Variants in TRIM71 observed in about 807,000 individuals in gnomAD.
TRIM71 encodes E3 ubiquitin-protein ligase TRIM71.
A neutral mutation model predicts 61.2 loss-of-function variants in TRIM71; 9 were observed. The observed-to-expected ratio is 0.15, with a 90% CI of 0.09 to 0.26. The LOEUF (loss-of-function observed/expected upper bound fraction) is 0.26. Ranked by LOEUF, TRIM71 falls within the 10% of genes least tolerant of loss-of-function variation. The pLI is 1.00. For synonymous variants in TRIM71, 645 were observed against 553.2 expected, an observed-to-expected ratio of 1.17 and a Z score of -2.33; for missense variants, 998 against 1,238.7, an observed-to-expected ratio of 0.81 and a Z score of 2.92.
chr3:32,886,998 G>A (rs1402575939), intron 3 of TRIM71, among the ~76,000 whole-genome samples: 1 of 152,182 alleles, frequency 6.6e-6, no homozygotes, highest in Non-Finnish European at 1.5e-5. Context: ...TTTTAATTCA[G>A]CATATTTTTT....
chr3:32,841,951 G>GGT (rs1559540678), intron 1 of TRIM71, among the ~76,000 whole-genome samples: 1 of 152,114 alleles, frequency 6.6e-6, no homozygotes, highest in Non-Finnish European at 1.5e-5. Flanking sequence ...GCTCAGCCAG[G>GGT]GTGCAGTTCT....
chr3:32,887,704 T>G (rs1261633788), intron 3 of TRIM71, among the ~76,000 whole-genome samples: 1 of 152,130 alleles, frequency 6.6e-6, no homozygotes, highest in East Asian at 1.9e-4. Flanking sequence ...CCTCATGGGG[T>G]TAGCTGCATA....
chr3:32,878,642 A>G lies in TRIM71; in HGVS notation c.1020+4657A>G, dbSNP rs181080356. Among the ~76,000 whole-genome samples the G allele has an allele frequency of 2.3e-3, 348 of 152,300 alleles. 1 individual carries two copies. The highest frequency in any genetic ancestry group is 2.8e-3 in the Non-Finnish European group (190 of 68,034). ...AAAAAATAAATGAATAAATAAATAA[A>G]AATTTTAAAAATTCCGCAAACCATG... On this transcript the variant is annotated intron_variant, in intron 2 of 3. Coordinates refer to ENST00000383763, the MANE Select transcript of TRIM71 (RefSeq NM_001039111.3).
At chr3:32,847,359 G>A (rs2139197) in intron 1 of TRIM71, among the ~76,000 whole-genome samples, 30,782 of 151,958 alleles carry the variant, frequency 0.2, 4,239 homozygotes, top group East Asian at 0.62. Context: ...ACCATGTCCC[G>A]CTAATTTTGT....
In TRIM71 at chr3:32,818,670, A is replaced by G. The variant is rs750081397; in HGVS notation, c.590A>G (p.His197Arg). 1.5e-5 allele frequency: 23 copies of G among 1,535,612 alleles called. No homozygotes were observed. Among genetic ancestry groups the G allele is most frequent in the South Asian group, 3.6e-5 (3 of 84,150 alleles). The change falls in exon 1 of 4, where the codon CAC (histidine) becomes CGC (arginine). Residue 197 changes from histidine to arginine, a missense_variant. His to Arg is a conservative substitution (Grantham distance 29). Coordinates refer to ENST00000383763, the MANE Select transcript of TRIM71 (RefSeq NM_001039111.3). Reference protein sequence around the residue: ...SPSALLLRRPHGCSSCDEGNA... With the variant: ...SPSALLLRRPRGCSSCDEGNA... ...TCGGCGCTGCTGCTCCGCCGTCCTCACGGCTGCAGCTCGTGCGATGAGGGC... is the reference window on the plus strand; with the variant it reads ...TCGGCGCTGCTGCTCCGCCGTCCTCGCGGCTGCAGCTCGTGCGATGAGGGC...
chr3:32,879,236 C>T (rs1029924087), intron 2 of TRIM71, among the ~76,000 whole-genome samples: 1 of 152,182 alleles, frequency 6.6e-6, no homozygotes, highest in East Asian at 1.9e-4. Context: ...GATCTTTTCT[C>T]CAGATCATTA....
chr3:32,833,631 CTTTT>C (rs1225963568), intron 1 of TRIM71, among the ~76,000 whole-genome samples: 16 of 132,860 alleles, frequency 1.2e-4, no homozygotes, highest in African/African-American at 3.8e-4. Flanking sequence ...ACTGAGAATG[CTTTT>C]TTATTTATTT....
chr3:32,874,098 C>T lies in TRIM71; in HGVS notation c.1020+113C>T. Reference sequence around the variant, plus strand: ...CAGTGTGGGGGGTGGAATAGTGACCCAAATGAGCTCAGGTGACATCCCTGC... The same window carrying T: ...CAGTGTGGGGGGTGGAATAGTGACCTAAATGAGCTCAGGTGACATCCCTGC... On this transcript the variant is annotated intron_variant, in intron 2 of 3. Transcript: ENST00000383763. The T allele has an allele frequency of 2.7e-6, 3 of 1,119,410 alleles. 1 individual carries two copies. The South Asian group carries it at 4.7e-5, about 18-fold the overall frequency. The allele number at this position is 1,119,410 out of a possible 1,614,324, so 69.3% of individuals were successfully genotyped here.
At chr3:32,862,848 C>T (rs1262240566) in intron 1 of TRIM71, among the ~76,000 whole-genome samples, 3 of 152,140 alleles carry the variant, frequency 2.0e-5, no homozygotes, top group South Asian at 2.1e-4. Context: ...GACCGCTGGC[C>T]GCCTGTGGTG....
intron 1 of TRIM71, among the ~76,000 whole-genome samples, chr3:32,865,140 T>TA (rs1696718285): frequency 6.6e-6 from 1 of 151,912 alleles, no homozygotes; most frequent in African/African-American, 2.4e-5. Context: ...CCATCCTGGC[T>TA]AACACGATGA....
chr3:32,873,060 TCTTCCTCC>T (rs148462456), intron 1 of TRIM71, among the ~76,000 whole-genome samples: 29,367 of 95,976 alleles, frequency 0.31, 3,573 homozygotes, highest in Non-Finnish European at 0.39. Context: ...CCCTTCTCTC[TCTTCCTCC>T]CTCCCTCCCT....
At chr3:32,842,538 C>T (rs1410832431) in intron 1 of TRIM71, among the ~76,000 whole-genome samples, 3 of 152,216 alleles carry the variant, frequency 2.0e-5, no homozygotes, top group Non-Finnish European at 4.4e-5. Context: ...GTCAAATATG[C>T]ATATAATCCC....
chr3:32,823,764 C>A (rs1226136308), intron 1 of TRIM71, among the ~76,000 whole-genome samples: 2 of 148,252 alleles, frequency 1.3e-5, no homozygotes, highest in South Asian at 4.3e-4. Context: ...GCGAGACTAT[C>A]TAAAAAGATA....
chr3:32,869,947 G>A (rs890919393), intron 1 of TRIM71, among the ~76,000 whole-genome samples: 11 of 152,292 alleles, frequency 7.2e-5, no homozygotes, highest in African/African-American at 2.6e-4. Flanking sequence ...GCTGCTAGAC[G>A]ACCTGTTCTT....
intron 1 of TRIM71, among the ~76,000 whole-genome samples, chr3:32,852,186 A>G (rs1696545628): frequency 6.6e-6 from 1 of 152,136 alleles, no homozygotes; most frequent in Non-Finnish European, 1.5e-5. Flanking sequence ...TTGTGGGGCC[A>G]TGAATGAAAT....
chr3:32,840,788 A>C (rs1696395303), intron 1 of TRIM71, among the ~76,000 whole-genome samples: 1 of 128,854 alleles, frequency 7.8e-6, no homozygotes, highest in Non-Finnish European at 1.8e-5. Flanking sequence ...ACACTGGTGA[A>C]GCCTTGCGAC....
chr3:32,852,759 T>TAAAAAAA (rs36040321), intron 1 of TRIM71, among the ~76,000 whole-genome samples: 1 of 133,858 alleles, frequency 7.5e-6, no homozygotes. Flanking sequence ...TACTGTCTTT[T>TAAAAAAA]AAAAAAAAAA....
At chr3:32,873,202 A>G (rs1314228321) in intron 1 of TRIM71, among the ~76,000 whole-genome samples, 2 of 151,990 alleles carry the variant, frequency 1.3e-5, no homozygotes, top group Admixed American at 1.3e-4. Flanking sequence ...CATGAAGAAG[A>G]AAGGCAAGGA....
At chr3:32,848,329 C>T (rs745709341) in intron 1 of TRIM71, among the ~76,000 whole-genome samples, 14 of 152,120 alleles carry the variant, frequency 9.2e-5, no homozygotes, top group Non-Finnish European at 1.8e-4. Context: ...CTTAGTTCTA[C>T]AGGTCAGAGG....
Sources: allele counts gnomAD v4.1 joint callset (sites outside exome capture counted in the v4.1 genomes callset), GRCh38; gene constraint gnomAD v4.1.1; transcripts MANE v1.5; gene names NCBI Gene and HGNC (gene_info 2026-07-23, HGNC 2026-07-21).